LCN8: variants seen among roughly 807,000 people sequenced by gnomAD.
LCN8 encodes epididymal-specific lipocalin-8.
LCN8 carries 16 observed loss-of-function variants against 22.8 expected under a neutral mutation model. The observed-to-expected ratio is 0.70, with a 90% CI of 0.47 to 1.06. The LOEUF (loss-of-function observed/expected upper bound fraction) is 1.06, where lower values mean the gene tolerates loss of function less well. Ranked by LOEUF, LCN8 falls within the 50% of genes least tolerant of loss-of-function variation. The pLI, the probability that LCN8 is intolerant of heterozygous loss-of-function variation, is 0.00. For missense variants in LCN8, 189 were observed against 203.3 expected (o/e 0.93, Z 0.43); for synonymous variants, 92 against 83.4 (o/e 1.10, Z -0.56).
At chr9:136,756,130 A>ATGGGGAACAGCGCG (rs1847187928) in intron 3 of LCN8, 1 of 929,294 alleles carries the variant, frequency 1.1e-6, no homozygotes, top group African/African-American at 2.3e-5. Flanking sequence ...GGAACAGCGC[A>ATGGGGAACAGCGCG]GGGAACAGCA....
chr9:136,755,132 C>T lies in LCN8; in HGVS notation c.447+3G>A, dbSNP rs781723777. 6.4e-7 allele frequency: 1 copy of T among 1,573,238 alleles called. No homozygotes were observed. Among genetic ancestry groups the T allele is most frequent in the Non-Finnish European group, 8.6e-7 (1 of 1,158,564 alleles). On this transcript the variant is annotated splice_donor_region_variant and intron_variant, in intron 6 of 6. Coordinates refer to ENST00000371688, the MANE Select transcript of LCN8 (RefSeq NM_178469.4). ...ACAGGCCAGGGTCGGGGGTCAGGCT[C>T]ACCTCCTTCAGGAGCTCGGCACACC...
chr9:136,755,252 G>C lies in LCN8; in HGVS notation c.413C>G (p.Ala138Gly), dbSNP rs754590258. 6 of 1,612,608 alleles carry C rather than the reference G, an allele frequency of 3.7e-6. No homozygotes were observed. The Admixed American group carries it at 1.0e-4, about 27-fold the overall frequency. ...LTADTGLYLA[A>G]RPGRCAELLK... is the part of the protein sequence containing the mutation. ...AAGGCCCCTGGGCTCACCAGGCCGGGCCGCCAGGTAGAGACCAGTGTCTGC... is the reference window on the plus strand; with the variant it reads ...AAGGCCCCTGGGCTCACCAGGCCGGCCCGCCAGGTAGAGACCAGTGTCTGC... The change falls in exon 5 of 7, where the codon GCC (alanine) becomes GGC (glycine). Residue 138 changes from alanine (A) to glycine (G), a missense_variant. By Grantham distance (60) the Ala-to-Gly change is moderately conservative. Coordinates refer to ENST00000371688, the MANE Select transcript of LCN8 (RefSeq NM_178469.4).
intron 2 of LCN8, 81 bp from the exon 3 acceptor site, chr9:136,756,673 T>A (rs931369868): frequency 6.4e-7 from 1 of 1,573,360 alleles, no homozygotes; most frequent in Middle Eastern, 1.7e-4. Context: ...TGGGGCTGTG[T>A]CTTTAGGAAG....
At chr9:136,755,055 CG>C in intron 6 of LCN8, 79 bp downstream of exon 6, 1 of 1,447,636 alleles carries the variant, frequency 6.9e-7, no homozygotes, top group Non-Finnish European at 9.1e-7. Context: ...GGCGGAGCCA[CG>C]GGGGCTCCTG....
intron 1 of LCN8, chr9:136,757,615 G>C: frequency 7.1e-7 from 1 of 1,408,848 alleles, no homozygotes. Context: ...TGGGCCTCCT[G>C]CCCTCAGCAA....
chr9:136,757,015 C>A (rs1847224357), intron 2 of LCN8, 23 bp downstream of exon 2: 5 of 1,610,400 alleles, frequency 3.1e-6, no homozygotes, highest in African/African-American at 1.3e-5. Flanking sequence ...CTCTTCCTCT[C>A]CAGCAGCCCC....
Position 136,754,414 on chromosome 9 carries a change from G to T in LCN8, c.*84C>A. 3 of 1,539,506 alleles carry T rather than the reference G, an allele frequency of 1.9e-6. No homozygotes were observed. The highest frequency in any genetic ancestry group is 1.7e-6 in the Non-Finnish European group (2 of 1,143,280). On this transcript the variant is annotated 3_prime_UTR_variant, in exon 7 of 7. Transcript: ENST00000371688. ...ACTTCACAGTTTATTCAGAGCAGGT[G>T]CAGGTGACCTGGTGGGCAGGGTGCC...
At chr9:136,754,779 C>A in intron 6 of LCN8, 3 of 1,368,674 alleles carry the variant, frequency 2.2e-6, no homozygotes, top group Non-Finnish European at 2.8e-6. Context: ...GCCCCGCCGC[C>A]GACGGGACCT....
chr9:136,754,580 C>A, intron 6 of LCN8, 71 bp from the exon 7 acceptor site: 1 of 1,526,726 alleles, frequency 6.5e-7, no homozygotes, highest in South Asian at 1.2e-5. Flanking sequence ...CGATGAGGGC[C>A]ACACGGCGGG....
upstream of LCN8, chr9:136,758,434 T>G: frequency 1.0e-6 from 1 of 995,316 alleles, no homozygotes; most frequent in Non-Finnish European, 1.2e-6. Flanking sequence ...CCTGGCCCTT[T>G]GAAATGTGTG....
chr9:136,756,259 G>A (rs1020192582), intron 3 of LCN8: 480 of 1,392,214 alleles, frequency 3.4e-4, no homozygotes, highest in Non-Finnish European at 4.3e-4. Context: ...GGGGAATGGC[G>A]CAGAGAAAAG....
rs763026591 is a variant in LCN8 at position 136,757,198 on chromosome 9, T to G, written c.25-30A>C. The G allele has an allele frequency of 7.5e-6, 12 of 1,604,162 alleles. No homozygotes were observed. In the South Asian group the frequency reaches 1.3e-4, roughly 18 times the overall value. On this transcript the variant is annotated intron_variant, in intron 1 of 6. Coordinates refer to ENST00000371688, the MANE Select transcript of LCN8 (RefSeq NM_178469.4). ...AGAGATACGGAGCCTGGCCAAGAGC[T>G]GAGCAGTGGGTCTGAGACCCCCAGG...
At chr9:136,758,253 G>GT (rs1330656765), upstream of LCN8, 1 of 1,251,320 alleles carries the variant, frequency 8.0e-7, no homozygotes, top group Non-Finnish European at 1.0e-6. Context: ...TGCTGGGGCC[G>GT]TCTCGGAGCC....
chr9:136,756,763 G>GGATT (rs1847215892), intron 2 of LCN8, among the ~76,000 whole-genome samples, 171 bp from the exon 3 acceptor site: 1 of 152,326 alleles, frequency 6.6e-6, no homozygotes, highest in South Asian at 2.1e-4. Context: ...CTTCCCCTGG[G>GGATT]GATTCTGTTC....
intron 1 of LCN8, chr9:136,757,512 A>G: frequency 7.4e-7 from 1 of 1,348,688 alleles, no homozygotes; most frequent in Non-Finnish European, 9.5e-7. Context: ...AGGCCTGGAA[A>G]AGAAAGCCCG....
intron 1 of LCN8, 40 bp from the exon 2 acceptor site, chr9:136,757,208 G>C (rs774497104): frequency 1.4e-5 from 23 of 1,598,882 alleles, no homozygotes; most frequent in Non-Finnish European, 7.7e-6. Flanking sequence ...TGAGCAGTGG[G>C]TCTGAGACCC....
In LCN8 at chr9:136,758,142, G is replaced by T. The variant is rs79149038; in HGVS notation, c.-212C>A. On this transcript the variant is annotated 5_prime_UTR_variant, in exon 1 of 7. Transcript: ENST00000371688. ...CAGAGACGTGGGTTTCTGCACAAGC[G>T]CCATCGGCCCTGGTGACACCCACGC... 1.8e-3 allele frequency: 2,535 copies of T among 1,443,930 alleles called. 46 individuals are homozygous for T. In the African/African-American group the frequency reaches 0.032, roughly 18 times the overall value. 89.4% of individuals were successfully genotyped at this position (1,443,930 alleles called of 1,614,324 possible). A position where few individuals can be genotyped will look rare whatever the true frequency, so the allele number is the denominator to read the frequency against.
intron 1 of LCN8, 56 bp downstream of exon 1, chr9:136,757,851 A>T: frequency 1.2e-6 from 2 of 1,613,344 alleles, no homozygotes; most frequent in Non-Finnish European, 1.7e-6. Context: ...TCCTTCCCTG[A>T]GCCTGAGGGG....
upstream of LCN8, chr9:136,758,257 C>A (rs1030114235): frequency 1.6e-6 from 2 of 1,244,054 alleles, no homozygotes; most frequent in African/African-American, 1.5e-5. Flanking sequence ...GGGGCCGTCT[C>A]GGAGCCTGAG....
Sources: allele counts gnomAD v4.1 joint callset (sites outside exome capture counted in the v4.1 genomes callset), GRCh38; gene constraint gnomAD v4.1.1; transcripts MANE v1.5; gene names NCBI Gene and HGNC (gene_info 2026-07-23, HGNC 2026-07-21).